TTC28: variants seen among roughly 807,000 people sequenced by gnomAD.
TTC28 encodes the protein tetratricopeptide repeat domain 28.
Under a neutral mutation model 198.0 loss-of-function variants are expected in TTC28, and 61 were observed. The observed-to-expected ratio is 0.31, with a 90% confidence interval of 0.25 to 0.38. TTC28 has a LOEUF of 0.38. TTC28 is among the 10% of genes least tolerant of loss of function. TTC28 has a pLI of 1.00. For synonymous variants in TTC28, 1,171 were observed against 1,297.8 expected (o/e 0.90, Z 2.10); for missense variants, 2,678 against 3,164.0 (o/e 0.85, Z 3.69).
In TTC28 at chr22:28,014,290, C is replaced by T. The variant is rs905777645; in HGVS notation, c.4176G>A (p.Pro1392=). ...PRRQSSFAKP[P]LRALYDLLIA... ...TGAGCAGGTCATACAGGGCACGGAGCGGGGGCTTGGCAAACGAGCTCTGCC... is the reference window on the plus strand; with the variant it reads ...TGAGCAGGTCATACAGGGCACGGAGTGGGGGCTTGGCAAACGAGCTCTGCC... Residue 1392 remains proline (P), a synonymous_variant, in exon 14 of 23, where the codon CCG becomes CCA. Transcript: ENST00000397906. 12 of 1,551,556 alleles carry T rather than the reference C, an allele frequency of 7.7e-6. No individual in the cohort carries two copies. The highest frequency in any genetic ancestry group is 1.4e-5 in the African/African-American group (1 of 73,144).
At chr22:28,660,072 T>C (rs771663849) in intron 1 of TTC28, among the ~76,000 whole-genome samples, 5 of 152,156 alleles carry the variant, frequency 3.3e-5, no homozygotes, top group African/African-American at 4.8e-5. Context: ...TAGGATTACA[T>C]GTGTGAGCCA....
At chr22:28,392,663 C>T (rs528825931) in intron 2 of TTC28, among the ~76,000 whole-genome samples, 36 of 152,120 alleles carry the variant, frequency 2.4e-4, no homozygotes, top group Middle Eastern at 3.4e-3. Context: ...TGACTCCTTG[C>T]GCTTCCCGAG....
intron 2 of TTC28, among the ~76,000 whole-genome samples, chr22:28,404,333 T>C (rs1028713453): frequency 6.6e-6 from 1 of 152,180 alleles, no homozygotes; most frequent in East Asian, 1.9e-4. Flanking sequence ...TTAGCCAGGA[T>C]GGTCTCGATC....
intron 2 of TTC28, among the ~76,000 whole-genome samples, chr22:28,562,640 G>T (rs1357539403): frequency 6.6e-6 from 1 of 152,140 alleles, no homozygotes; most frequent in Non-Finnish European, 1.5e-5. Context: ...AAAAAGAAAT[G>T]TAGTTTGTCC....
At chr22:28,151,945 G>C (rs1039581913) in intron 6 of TTC28, among the ~76,000 whole-genome samples, 1 of 152,086 alleles carries the variant, frequency 6.6e-6, no homozygotes, top group Non-Finnish European at 1.5e-5. Context: ...GTGTAGTCTT[G>C]TCTATGCCTC....
chr22:28,362,592 C>T (rs8138142), intron 2 of TTC28, among the ~76,000 whole-genome samples: 4,406 of 152,176 alleles, frequency 0.029, 172 homozygotes, highest in African/African-American at 0.087. Context: ...CAGAAGAAGA[C>T]AGGAAAATGT....
intron 2 of TTC28, among the ~76,000 whole-genome samples, chr22:28,520,496 G>A (rs2048883202): frequency 6.6e-6 from 1 of 152,180 alleles, no homozygotes; most frequent in South Asian, 2.1e-4. Flanking sequence ...ATTTCAGGTA[G>A]GATAGAATCA....
intron 5 of TTC28, among the ~76,000 whole-genome samples, chr22:28,257,053 A>T (rs1930976396): frequency 6.6e-6 from 1 of 152,186 alleles, no homozygotes; most frequent in South Asian, 2.1e-4. Context: ...AAATAATATA[A>T]GAAATAAAAT....
intron 10 of TTC28, among the ~76,000 whole-genome samples, chr22:28,096,809 CTT>C (rs568084580): frequency 5.6e-5 from 8 of 142,966 alleles, no homozygotes; most frequent in Admixed American, 7.0e-5. Flanking sequence ...CTCTACGTGT[CTT>C]TTTTTTTTTT....
At chr22:28,244,380 C>A (rs1388019377) in intron 5 of TTC28, among the ~76,000 whole-genome samples, 1 of 152,182 alleles carries the variant, frequency 6.6e-6, no homozygotes, top group African/African-American at 2.4e-5. Flanking sequence ...AGCTACCCTT[C>A]GTCTCCTTTC....
At chr22:28,470,557 T>C (rs554113277) in intron 2 of TTC28, among the ~76,000 whole-genome samples, 1 of 152,332 alleles carries the variant, frequency 6.6e-6, no homozygotes, top group South Asian at 2.1e-4. Flanking sequence ...CTTGTAGCTT[T>C]AGGTATTGTA....
At chr22:28,409,319 T>A (rs972865451) in intron 2 of TTC28, among the ~76,000 whole-genome samples, 1 of 152,196 alleles carries the variant, frequency 6.6e-6, no homozygotes, top group East Asian at 1.9e-4. Flanking sequence ...TCTTATTTGA[T>A]GCCAAAATCC....
At chr22:28,057,126 A>G (rs1428087750) in intron 12 of TTC28, among the ~76,000 whole-genome samples, 2 of 152,154 alleles carry the variant, frequency 1.3e-5, no homozygotes, top group Non-Finnish European at 2.9e-5. Context: ...TTTTGTGAAC[A>G]TATATTTTCA....
Position 27,979,278 on chromosome 22 carries a change from G to T in TTC28, c.*2943C>A, listed in dbSNP as rs1936940539. 6.6e-6 allele frequency: 1 copy of T among 152,100 alleles called. No individual in the cohort carries two copies. Among genetic ancestry groups the T allele is most frequent in the African/African-American group, 2.4e-5 (1 of 41,394 alleles). The allele number at this position is 152,100 out of a possible 1,614,324, so 9.4% of individuals were successfully genotyped here. A position where few individuals can be genotyped will look rare whatever the true frequency, so the allele number is the denominator to read the frequency against. On this transcript the variant is annotated 3_prime_UTR_variant, in exon 23 of 23. Transcript: ENST00000397906. ...GCGGATCCCCTGAGGTCAGGAGTTCGAGACCAGCCTGGCCAACATGGTGAA... is the reference window on the plus strand; with the variant it reads ...GCGGATCCCCTGAGGTCAGGAGTTCTAGACCAGCCTGGCCAACATGGTGAA...
chr22:28,251,697 A>G (rs746524011), intron 5 of TTC28, among the ~76,000 whole-genome samples: 5 of 152,202 alleles, frequency 3.3e-5, no homozygotes, highest in Admixed American at 6.6e-5. Context: ...TAATGTGTGG[A>G]ATGTTAATAT....
chr22:28,001,325 G>C, intron 15 of TTC28, 49 bp downstream of exon 15: 7 of 1,521,202 alleles, frequency 4.6e-6, no homozygotes, highest in Non-Finnish European at 6.2e-6. Flanking sequence ...ACGGTGCCTC[G>C]TGACCCGAAA....
chr22:28,032,176 A>G (rs1288214598), intron 12 of TTC28, among the ~76,000 whole-genome samples: 1 of 74,230 alleles, frequency 1.3e-5, no homozygotes, highest in Non-Finnish European at 2.4e-5. Flanking sequence ...GTGTATATAT[A>G]TATATATATA....
intron 2 of TTC28, among the ~76,000 whole-genome samples, chr22:28,431,875 G>A (rs1305201617): frequency 6.6e-6 from 1 of 152,078 alleles, no homozygotes; most frequent in African/African-American, 2.4e-5. Context: ...CTACTTGGGA[G>A]GCTGAGGCAG....
chr22:28,576,486 A>G (rs543391632), intron 2 of TTC28, among the ~76,000 whole-genome samples: 1 of 152,170 alleles, frequency 6.6e-6, no homozygotes, highest in Admixed American at 6.5e-5. Context: ...CGTAGTGGTA[A>G]TATTAGCCTC....
Sources: allele counts gnomAD v4.1 joint callset (sites outside exome capture counted in the v4.1 genomes callset), GRCh38; gene constraint gnomAD v4.1.1; transcripts MANE v1.5; gene names NCBI Gene and HGNC (gene_info 2026-07-23, HGNC 2026-07-21).